The following DDR2 variants were observed in gnomAD, a reference collection of about 807,000 sequenced individuals.
DDR2 encodes the protein discoidin domain-containing receptor 2.
A neutral mutation model predicts 94.9 loss-of-function variants in DDR2; 27 were observed. The ratio of observed to expected loss-of-function variants is 0.28; its 90% CI spans 0.21 to 0.39. The LOEUF (loss-of-function observed/expected upper bound fraction) is 0.39. Among genes scored for constraint, DDR2 ranks in the 10% least tolerant of loss-of-function variants. The pLI is 1.00. For missense variants in DDR2, 783 were observed against 1,076.0 expected (o/e 0.73, Z 3.81); for synonymous variants, 382 against 377.2 (o/e 1.01, Z -0.15).
chr1:162,651,213 T>C (rs1423283210), intron 1 of DDR2, among the ~76,000 whole-genome samples: 1 of 152,212 alleles, frequency 6.6e-6, no homozygotes, highest in East Asian at 1.9e-4. Flanking sequence ...CCCGGCTCTC[T>C]TGTGCTCACT....
intron 3 of DDR2, among the ~76,000 whole-genome samples, chr1:162,735,439 C>A (rs187721729): frequency 1.3e-5 from 2 of 152,278 alleles, no homozygotes; most frequent in Admixed American, 6.5e-5. Flanking sequence ...CTGTTTGCTA[C>A]CCCCTCCCAG....
chr1:162,764,813 T>TGAGA (rs1663915140), intron 9 of DDR2, among the ~76,000 whole-genome samples: 1 of 145,384 alleles, frequency 6.9e-6, no homozygotes, highest in African/African-American at 2.6e-5. Flanking sequence ...GGTGACAGAG[T>TGAGA]GAGACCCTGT....
Position 162,781,741 on chromosome 1 carries a change from A to G in DDR2, c.*1495A>G, listed in dbSNP as rs1313553093. On this transcript the variant is annotated 3_prime_UTR_variant, in exon 18 of 18. Transcript: ENST00000367921. Reference sequence around the variant, plus strand: ...TGTCAAGAAGGAATCTGCTCAGAGCAGATTCTGAGTTTTCACACTCCACAA... The same window carrying G: ...TGTCAAGAAGGAATCTGCTCAGAGCGGATTCTGAGTTTTCACACTCCACAA... 1.3e-5 allele frequency: 2 copies of G among 152,186 alleles called. No homozygotes were observed. The highest frequency in any genetic ancestry group is 6.5e-5 in the Admixed American group (1 of 15,280). 9.4% of individuals were successfully genotyped at this position (152,186 alleles called of 1,614,324 possible).
chr1:162,728,585 C>T (rs1661839196), intron 3 of DDR2, among the ~76,000 whole-genome samples: 1 of 152,164 alleles, frequency 6.6e-6, no homozygotes, highest in African/African-American at 2.4e-5. Context: ...CTGGTGTTAA[C>T]ATAATGCTAT....
At chr1:162,684,812 AAC>A (rs56958157) in intron 2 of DDR2, among the ~76,000 whole-genome samples, 19,117 of 137,732 alleles carry the variant, frequency 0.14, 1,186 homozygotes, top group Middle Eastern at 0.19. Context: ...CACACCCACC[AAC>A]ACACACACAC....
chr1:162,660,262 C>CA lies in DDR2; in HGVS notation c.-28+4891dup, dbSNP rs1658224670. 5.3e-5 allele frequency among the ~76,000 whole-genome samples: 8 copies of CA among 152,150 alleles called. No homozygotes were observed. The South Asian group carries it at 1.5e-3, about 28-fold the overall frequency. On this transcript the variant is annotated intron_variant, in intron 2 of 17. Transcript: ENST00000367921. The stretch of plus-strand genomic sequence containing the variant: ...CTCTAGGTAAGGTCTGAGTCTCTGT[C>CA]AAACATTTTCGCTTTTGTGTAACAT...
intron 2 of DDR2, among the ~76,000 whole-genome samples, chr1:162,669,542 G>C (rs1250244208): frequency 6.6e-6 from 1 of 152,074 alleles, no homozygotes; most frequent in Non-Finnish European, 1.5e-5. Context: ...GCGTGTGTAG[G>C]TATACTTAAT....
At chr1:162,750,144 G>A (rs187073955) in intron 3 of DDR2, among the ~76,000 whole-genome samples, 302 of 152,312 alleles carry the variant, frequency 2.0e-3, no homozygotes, top group African/African-American at 6.7e-3. Flanking sequence ...TCTGGCCAGG[G>A]CAATCAGGCA....
At chr1:162,707,930 T>A (rs993745554) in intron 2 of DDR2, among the ~76,000 whole-genome samples, 2 of 152,214 alleles carry the variant, frequency 1.3e-5, no homozygotes, top group African/African-American at 4.8e-5. Context: ...GATAGAAAAG[T>A]GTCCCTAAAC....
intron 2 of DDR2, among the ~76,000 whole-genome samples, chr1:162,698,059 G>A (rs1036763139): frequency 9.9e-5 from 15 of 152,212 alleles, no homozygotes; most frequent in African/African-American, 3.4e-4. Context: ...AAGAGAATCT[G>A]CTAATCTGTT....
chr1:162,732,943 A>C (rs1282690227), intron 3 of DDR2, among the ~76,000 whole-genome samples: 4 of 152,262 alleles, frequency 2.6e-5, no homozygotes, highest in Non-Finnish European at 5.9e-5. Flanking sequence ...AGGCCCTACC[A>C]GAGCTTGGAG....
chr1:162,661,963 C>T (rs545798246), intron 2 of DDR2, among the ~76,000 whole-genome samples: 1 of 152,278 alleles, frequency 6.6e-6, no homozygotes, highest in South Asian at 2.1e-4. Flanking sequence ...TCCGGGTAGA[C>T]ATAAGTGGAG....
chr1:162,760,707 A>G (rs527709528), intron 8 of DDR2, among the ~76,000 whole-genome samples: 1 of 151,792 alleles, frequency 6.6e-6, no homozygotes, highest in Admixed American at 6.6e-5. Flanking sequence ...GCCTTATAAA[A>G]CCTGGGCTGC....
intron 2 of DDR2, among the ~76,000 whole-genome samples, chr1:162,660,995 G>T (rs1428851965): frequency 6.6e-6 from 1 of 152,148 alleles, no homozygotes; most frequent in African/African-American, 2.4e-5. Context: ...TTTCCTTAAA[G>T]AATCAAATAG....
At chr1:162,686,638 T>A (rs778826501) in intron 2 of DDR2, among the ~76,000 whole-genome samples, 1 of 152,240 alleles carries the variant, frequency 6.6e-6, no homozygotes, top group Non-Finnish European at 1.5e-5. Context: ...TTGGGTTGAT[T>A]CCAAGTTTTT....
intron 7 of DDR2, among the ~76,000 whole-genome samples, chr1:162,759,235 G>A (rs1663602125): frequency 6.6e-6 from 1 of 152,034 alleles, no homozygotes; most frequent in Non-Finnish European, 1.5e-5. Context: ...TGGGTTGTTG[G>A]ATATGTGGAA....
chr1:162,706,305 G>A (rs930238327), intron 2 of DDR2, among the ~76,000 whole-genome samples: 8 of 152,186 alleles, frequency 5.3e-5, no homozygotes, highest in Non-Finnish European at 1.2e-4. Context: ...ACCATGACAA[G>A]ACCCTTTCCT....
chr1:162,746,465 G>T (rs1662871642), intron 3 of DDR2, among the ~76,000 whole-genome samples: 1 of 152,222 alleles, frequency 6.6e-6, no homozygotes, highest in Non-Finnish European at 1.5e-5. Context: ...AAACAAAGAA[G>T]CCGGGAAGGT....
intron 7 of DDR2, among the ~76,000 whole-genome samples, chr1:162,758,735 A>AT (rs1329257312): frequency 6.6e-6 from 1 of 152,030 alleles, no homozygotes; most frequent in Non-Finnish European, 1.5e-5. Flanking sequence ...GTATTTTTTT[A>AT]TTTTTTGCGA....
Sources: allele counts gnomAD v4.1 joint callset (sites outside exome capture counted in the v4.1 genomes callset), GRCh38; gene constraint gnomAD v4.1.1; transcripts MANE v1.5; gene names NCBI Gene and HGNC (gene_info 2026-07-23, HGNC 2026-07-21).